ANAPC10: variants seen among roughly 807,000 people sequenced by gnomAD.
ANAPC10 encodes anaphase-promoting complex subunit 10.
ANAPC10 carries 12 observed loss-of-function variants against 22.0 expected under a neutral mutation model. That is an observed-to-expected ratio of 0.55 (90% CI 0.35 to 0.88). The LOEUF (loss-of-function observed/expected upper bound fraction) is 0.88, where lower values mean the gene tolerates loss of function less well. Among genes scored for constraint, ANAPC10 ranks in the 40% least tolerant of loss-of-function variants. The probability of loss-of-function intolerance (pLI) is 0.01; values close to 1 mark genes in which losing one functional copy is unlikely to be tolerated. For missense variants in ANAPC10, 188 were observed against 220.9 expected (o/e 0.85, Z 0.94); for synonymous variants, 65 against 69.5 (o/e 0.94, Z 0.32).
chr4:145,095,805 T>C (rs563299168), intron 2 of ANAPC10, among the ~76,000 whole-genome samples, 180 bp downstream of exon 2: 5 of 152,342 alleles, frequency 3.3e-5, no homozygotes, highest in African/African-American at 1.2e-4. Context: ...TTACACTTTA[T>C]CACAGGTATT....
rs34480567 is a variant in ANAPC10 at position 145,095,372 on chromosome 4, T to G, written c.115+613A>C. ...CCCACCCAAGACATAAATCATCACT[T>G]TGTCCAGCACATCCACCACTTTGTC... On this transcript the variant is annotated intron_variant, in intron 2 of 4. Coordinates refer to ENST00000507656, the MANE Select transcript of ANAPC10 (RefSeq NM_001256706.2). Among the ~76,000 whole-genome samples, 3 of 151,898 alleles carry G rather than the reference T, an allele frequency of 2.0e-5. No individual in the cohort carries two copies. In the East Asian group the frequency reaches 5.8e-4, roughly 29 times the overall value.
chr4:145,035,299 G>C (rs1388370310), intron 4 of ANAPC10: 4 of 152,200 alleles, frequency 2.6e-5, no homozygotes, highest in African/African-American at 7.2e-5. Context: ...CCCTAATAGA[G>C]GAGGACCACT....
chr4:145,033,732 T>A (rs903613056), intron 4 of ANAPC10, among the ~76,000 whole-genome samples: 1 of 152,304 alleles, frequency 6.6e-6, no homozygotes, highest in African/African-American at 2.4e-5. Flanking sequence ...ATGAGGTGCT[T>A]GCTGAAGGCA....
chr4:145,040,582 C>A (rs1162335490), intron 4 of ANAPC10, among the ~76,000 whole-genome samples: 1 of 152,170 alleles, frequency 6.6e-6, no homozygotes, highest in Non-Finnish European at 1.5e-5. Context: ...CATCATATCT[C>A]CAATTTATAG....
chr4:144,996,477 C>A (rs953757534), intron 4 of ANAPC10, among the ~76,000 whole-genome samples: 2 of 152,126 alleles, frequency 1.3e-5, no homozygotes, highest in African/African-American at 2.4e-5. Context: ...CTGGGAAGGT[C>A]CCAACTGACC....
intron 4 of ANAPC10, among the ~76,000 whole-genome samples, chr4:145,038,420 GGAGAACTGCTT>G (rs1738950914): frequency 6.6e-6 from 1 of 152,210 alleles, no homozygotes; most frequent in Non-Finnish European, 1.5e-5. Context: ...GACTGAGGCA[GGAGAACTGCTT>G]GAACCCAGGA....
intron 1 of ANAPC10, among the ~76,000 whole-genome samples, chr4:145,096,841 A>AC (rs1263521201): frequency 6.6e-6 from 1 of 151,856 alleles, no homozygotes; most frequent in East Asian, 1.9e-4. Context: ...TGATCCCATC[A>AC]CCCCACTAAG....
intron 3 of ANAPC10, among the ~76,000 whole-genome samples, chr4:145,076,862 G>C (rs1361375218): frequency 1.3e-5 from 2 of 152,194 alleles, no homozygotes; most frequent in Non-Finnish European, 2.9e-5. Context: ...AAGAATCTCA[G>C]AGAACAAAGA....
At chr4:145,096,210 G>T in intron 1 of ANAPC10, 99 bp from the exon 2 acceptor site, 1 of 1,181,220 alleles carries the variant, frequency 8.5e-7, no homozygotes, top group Non-Finnish European at 1.2e-6. Flanking sequence ...CATATACCCT[G>T]ACATTAATCA....
At chr4:145,016,992 A>C (rs1477860418) in intron 4 of ANAPC10, among the ~76,000 whole-genome samples, 2 of 152,222 alleles carry the variant, frequency 1.3e-5, no homozygotes, top group Non-Finnish European at 2.9e-5. Flanking sequence ...AAAGACTTAA[A>C]TGTTAGACCT....
At chr4:145,037,128 C>T (rs995536903) in intron 4 of ANAPC10, among the ~76,000 whole-genome samples, 1 of 151,484 alleles carries the variant, frequency 6.6e-6, no homozygotes, top group Non-Finnish European at 1.5e-5. Context: ...AACACAGTTG[C>T]GGAGCTCCTC....
At chr4:145,076,317 C>A (rs1409874028) in intron 3 of ANAPC10, among the ~76,000 whole-genome samples, 1 of 152,178 alleles carries the variant, frequency 6.6e-6, no homozygotes, top group Non-Finnish European at 1.5e-5. Flanking sequence ...CAGCATGCAA[C>A]CCACAAGCAC....
intron 1 of ANAPC10, 68 bp from the exon 2 acceptor site, chr4:145,096,179 C>G: frequency 6.5e-7 from 1 of 1,535,576 alleles, no homozygotes; most frequent in South Asian, 1.2e-5. Context: ...AGTTTTTTAC[C>G]AAGAAAAATT....
intron 4 of ANAPC10, among the ~76,000 whole-genome samples, chr4:144,998,056 T>C (rs935418942): frequency 6.6e-6 from 1 of 152,178 alleles, no homozygotes. Flanking sequence ...ATGCACCCAA[T>C]ACAGGAGCAC....
chr4:145,006,802 T>G lies in ANAPC10; in HGVS notation c.328-11199A>C, dbSNP rs116187889. 2.2e-3 allele frequency among the ~76,000 whole-genome samples: 331 copies of G among 152,252 alleles called. 3 individuals are homozygous for G. The highest frequency in any genetic ancestry group is 3.8e-3 in the Non-Finnish European group (259 of 67,994). On this transcript the variant is annotated intron_variant, in intron 4 of 4. Transcript: ENST00000507656. ...AAAATCTCTACTGAAATGTCCTGTT[T>G]TGTTGCCTCTGTGATTCCACCTTCT...
intron 2 of ANAPC10, among the ~76,000 whole-genome samples, chr4:145,087,038 G>GTGCT (rs1446727099): frequency 6.6e-6 from 1 of 151,794 alleles, no homozygotes; most frequent in Non-Finnish European, 1.5e-5. Flanking sequence ...GGCGGTAAAT[G>GTGCT]TGCTTGCAAA....
chr4:145,092,907 A>G (rs1294810444), intron 2 of ANAPC10, among the ~76,000 whole-genome samples: 1 of 152,214 alleles, frequency 6.6e-6, no homozygotes, highest in African/African-American at 2.4e-5. Flanking sequence ...AGGGGCAAAC[A>G]ACAGTCCTTT....
At chr4:145,062,427 G>A (rs916045962) in intron 4 of ANAPC10, among the ~76,000 whole-genome samples, 8 of 151,522 alleles carry the variant, frequency 5.3e-5, no homozygotes, top group African/African-American at 9.7e-5. Context: ...CCAAAACAGC[G>A]AAACTCCATC....
At chr4:144,995,724 A>G (rs1034174349) in intron 4 of ANAPC10, 121 bp from the exon 5 acceptor site, 11 of 705,226 alleles carry the variant, frequency 1.6e-5, no homozygotes, top group Non-Finnish European at 2.3e-5. Context: ...GAATGACAAT[A>G]TGATAATAAT....
Sources: gnomAD v4.1 joint callset for allele counts (sites outside exome capture counted in the v4.1 genomes callset) on GRCh38, gnomAD v4.1.1 for gene constraint, MANE v1.5 for transcripts, NCBI Gene and HGNC (gene_info 2026-07-23, HGNC 2026-07-21) for gene names.